The following LUZP1 variants were observed in gnomAD, a reference collection of about 807,000 sequenced individuals.
LUZP1 encodes filamin mechanobinding actin cross-linking protein.
In LUZP1, 25 loss-of-function variants were observed where a neutral mutation model predicts 71.3. The ratio of observed to expected loss-of-function variants is 0.35; its 90% CI spans 0.26 to 0.49. LUZP1 has a LOEUF of 0.49. Ranked by LOEUF, LUZP1 falls within the 20% of genes least tolerant of loss-of-function variation. The pLI is 0.99. For missense variants in LUZP1, 1,142 were observed against 1,300.8 expected, an observed-to-expected ratio of 0.88 and a Z score of 1.88; for synonymous variants, 481 against 506.4, an observed-to-expected ratio of 0.95 and a Z score of 0.67.
rs552072512 is a variant in LUZP1 at position 23,101,898 on chromosome 1, A to T, written c.-120+7124T>A. 2.0e-5 allele frequency among the ~76,000 whole-genome samples: 3 copies of T among 152,292 alleles called. No individual in the cohort carries two copies. In the South Asian group the frequency reaches 6.2e-4, roughly 32 times the overall value. Reference sequence around the variant, plus strand: ...ATGATGCACCCAGCATTTTGCCAAGATAAGTAGAAAATCTTACCCTTGCCT... The same window carrying T: ...ATGATGCACCCAGCATTTTGCCAAGTTAAGTAGAAAATCTTACCCTTGCCT... On this transcript the variant is annotated intron_variant, in intron 3 of 4. Coordinates refer to ENST00000302291, the Ensembl canonical transcript of LUZP1.
intron 1 of LUZP1, among the ~76,000 whole-genome samples, chr1:23,170,298 T>C (rs1644543319): frequency 6.6e-6 from 1 of 152,166 alleles, no homozygotes; most frequent in Non-Finnish European, 1.5e-5. Context: ...GGGGTCATAA[T>C]AGCCATCTCT....
At position 23,093,755 on chromosome 1, in the gene LUZP1, C is replaced by T. The variant is rs1436665277; in HGVS notation, c.507G>A (p.Glu169=). 2.5e-6 allele frequency: 4 copies of T among 1,613,688 alleles called. No individual in the cohort carries two copies. The African/African-American group carries it at 5.3e-5, about 22-fold the overall frequency. The change falls in exon 4 of 5, where the codon GAG becomes GAA. Residue 169 remains glutamate, a synonymous_variant. Coordinates refer to ENST00000302291, the Ensembl canonical transcript of LUZP1. This position sits in a 1 kb window ranked among gnomAD's most constrained non-coding sequence, Gnocchi z 4.2. ...TCTGCTCAGTTTTATCCAGGCGGTC[C>T]TCAGAAGATTCTAGTTCTTTCACTT...
exon 4 of LUZP1, chr1:23,092,067 T>C: frequency 6.2e-7 from 1 of 1,614,140 alleles, no homozygotes; most frequent in Non-Finnish European, 8.5e-7. Flanking sequence ...ACCATTGGTA[T>C]CTGGGAGCTC....
At chr1:23,171,242 G>T (rs1644551443) in intron 1 of LUZP1, among the ~76,000 whole-genome samples, 1 of 151,978 alleles carries the variant, frequency 6.6e-6, no homozygotes, top group Non-Finnish European at 1.5e-5. Context: ...GAAGACTTTA[G>T]GGTCTTGAGA....
exon 4 of LUZP1, chr1:23,092,751 A>G: frequency 6.2e-7 from 1 of 1,613,346 alleles, no homozygotes; most frequent in Non-Finnish European, 8.5e-7. Context: ...TGTCTTCTCC[A>G]CTTTTCCCTT....
chr1:23,117,258 C>T (rs1644086897), intron 2 of LUZP1, among the ~76,000 whole-genome samples: 1 of 152,142 alleles, frequency 6.6e-6, no homozygotes. Context: ...TCACATATTA[C>T]TTTAAGTGAT....
chr1:23,154,388 T>A (rs571326400), intron 2 of LUZP1, among the ~76,000 whole-genome samples: 6 of 152,128 alleles, frequency 3.9e-5, no homozygotes, highest in African/African-American at 9.6e-5. Context: ...AATTTTTTTT[T>A]AATTACCAGG....
intron 2 of LUZP1, chr1:23,109,687 T>C (rs1286104581): frequency 6.6e-6 from 1 of 152,208 alleles, no homozygotes; most frequent in Non-Finnish European, 1.5e-5. Context: ...GCTATATGTA[T>C]AAGGTGTATA....
chr1:23,117,490 CCA>C (rs1157916046), intron 2 of LUZP1, among the ~76,000 whole-genome samples: 2,233 of 45,100 alleles, frequency 0.05, 58 homozygotes, highest in African/African-American at 0.087. Flanking sequence ...CCCCCCCCCC[CCA>C]CAATCAGGAA....
At chr1:23,173,350 C>CTTTTTTTTTTTTTTTTTTTTTTTGTTTT (rs869169060) in intron 1 of LUZP1, among the ~76,000 whole-genome samples, 1 of 80,358 alleles carries the variant, frequency 1.2e-5, no homozygotes, top group Non-Finnish European at 2.4e-5. Flanking sequence ...TTTGTTTTTT[C>CTTTTTTTTTTTTTTTTTTTTTTTGTTTT]TTTTTTTTTT....
At chr1:23,106,426 G>A (rs963406936) in intron 3 of LUZP1, among the ~76,000 whole-genome samples, 1 of 152,034 alleles carries the variant, frequency 6.6e-6, no homozygotes, top group East Asian at 1.9e-4. Flanking sequence ...GCAACATGGT[G>A]AAACCCTTTC....
chr1:23,088,137 G>A (rs1643793809), exon 5 of LUZP1: 2 of 152,714 alleles, frequency 1.3e-5, no homozygotes, highest in African/African-American at 4.8e-5. Flanking sequence ...CAGCATTACT[G>A]GTGCTCAGGA....
chr1:23,151,333 C>A (rs1430578283), intron 2 of LUZP1, among the ~76,000 whole-genome samples: 3 of 152,058 alleles, frequency 2.0e-5, no homozygotes, highest in Non-Finnish European at 2.9e-5. Context: ...CATGAGCCAC[C>A]GCACCCAGCC....
chr1:23,152,989 T>C (rs1053005999), intron 2 of LUZP1, among the ~76,000 whole-genome samples: 2 of 152,170 alleles, frequency 1.3e-5, no homozygotes, highest in Non-Finnish European at 2.9e-5. Flanking sequence ...ATAATTTTAT[T>C]TCTTTAAAAA....
chr1:23,094,196 A>G lies in LUZP1; in HGVS notation c.66T>C (p.Ser22=), dbSNP rs1643880874. ...CCAACTCATCAAGGCGGCGGCTTAG[A>G]CTCTGTAGCTTAAACCGCAAGTGGC... The change falls in exon 4 of 5, where the codon AGT becomes AGC. Residue 22 remains serine (S), a synonymous_variant. Coordinates refer to ENST00000302291, the Ensembl canonical transcript of LUZP1. This position sits in a 1 kb window ranked among gnomAD's most constrained non-coding sequence, Gnocchi z 4.7. 6 of 1,613,760 alleles carry G rather than the reference A, an allele frequency of 3.7e-6. No individual in the cohort carries two copies. The highest frequency in any genetic ancestry group is 5.1e-6 in the Non-Finnish European group (6 of 1,179,956).
At chr1:23,165,041 C>T (rs1025565800) in intron 2 of LUZP1, among the ~76,000 whole-genome samples, 1 of 152,088 alleles carries the variant, frequency 6.6e-6, no homozygotes, top group South Asian at 2.1e-4. Flanking sequence ...TTTATCTTTC[C>T]CCTAATCCAA....
Position 23,092,798 on chromosome 1 carries a change from C to T in LUZP1, c.1464G>A (p.Trp488Ter). ...CGGTGCCTGGCTTGGAAGTCCCCTT[C>T]CACGCTTTACTGTGCTCCTGAGCAG... The change falls in exon 4 of 5, where the codon TGG (tryptophan) becomes TGA (stop). Residue 488 changes from tryptophan to a stop codon, truncating the protein, a stop_gained. Coordinates refer to ENST00000302291, the Ensembl canonical transcript of LUZP1. LOFTEE classifies it high-confidence loss of function. 1 of 1,613,750 alleles carries T rather than the reference C, an allele frequency of 6.2e-7. No homozygotes were observed. Among genetic ancestry groups the T allele is most frequent in the Non-Finnish European group, 8.5e-7 (1 of 1,179,824 alleles).
intron 2 of LUZP1, among the ~76,000 whole-genome samples, chr1:23,118,509 T>C (rs1644104347): frequency 6.6e-6 from 1 of 152,220 alleles, no homozygotes; most frequent in Non-Finnish European, 1.5e-5. Context: ...CTAGAATAGT[T>C]TCCTCATTTG....
intron 3 of LUZP1, among the ~76,000 whole-genome samples, chr1:23,106,931 A>C (rs1643986876): frequency 6.6e-6 from 1 of 152,216 alleles, no homozygotes; most frequent in Admixed American, 6.5e-5. Flanking sequence ...CTCACTTAGA[A>C]TACAATGCAC....
Sources: gnomAD v4.1 joint callset for allele counts (sites outside exome capture counted in the v4.1 genomes callset) on GRCh38, gnomAD v4.1.1 for gene constraint, Gnocchi (gnomAD v3.1) non-coding constraint, MANE v1.5 for transcripts, NCBI Gene and HGNC (gene_info 2026-07-23, HGNC 2026-07-21) for gene names.